Variants in PBRM1 observed in about 807,000 individuals in gnomAD.
The protein encoded by PBRM1 is protein polybromo-1.
In PBRM1, 27 loss-of-function variants were observed where a neutral mutation model predicts 194.5. That is an observed-to-expected ratio of 0.14 (90% CI 0.10 to 0.19). The LOEUF (loss-of-function observed/expected upper bound fraction) is 0.19. Among genes scored for constraint, PBRM1 ranks in the 10% least tolerant of loss-of-function variants. The pLI, the probability that PBRM1 is intolerant of heterozygous loss-of-function variation, is 1.00. For synonymous variants in PBRM1, 655 were observed against 693.2 expected (o/e 0.94, Z 0.87); for missense variants, 1,466 against 2,077.2 (o/e 0.71, Z 5.72).
intron 17 of PBRM1, among the ~76,000 whole-genome samples, chr3:52,601,579 G>A (rs1468381961): frequency 1.3e-5 from 2 of 151,724 alleles, no homozygotes; most frequent in East Asian, 3.9e-4. Context: ...CAGTTCCTAA[G>A]TAATGTGGGG....
chr3:52,670,955 G>A (rs1198923738), intron 2 of PBRM1, among the ~76,000 whole-genome samples: 3 of 152,222 alleles, frequency 2.0e-5, no homozygotes, highest in Non-Finnish European at 4.4e-5. Flanking sequence ...GAGAGCTGAA[G>A]TGTGTCATAT....
intron 10 of PBRM1, among the ~76,000 whole-genome samples, chr3:52,637,829 C>T (rs2095883190): frequency 6.9e-6 from 1 of 145,006 alleles, no homozygotes; most frequent in African/African-American, 2.5e-5. Context: ...CTCCTATAAT[C>T]CTAGCTACCC....
intron 2 of PBRM1, among the ~76,000 whole-genome samples, chr3:52,674,376 G>A (rs1328514917): frequency 6.7e-6 from 1 of 150,254 alleles, no homozygotes; most frequent in Non-Finnish European, 1.5e-5. Context: ...AGCTACTCGG[G>A]AAGCTGGGGC....
At chr3:52,586,683 G>A (rs746647651) in exon 20 of PBRM1, 121 of 1,487,484 alleles carry the variant, frequency 8.1e-5, no homozygotes, top group Non-Finnish European at 1.0e-4. Flanking sequence ...ATAACTTAAA[G>A]TATTCCTGGG....
chr3:52,561,790 G>A (rs1362364948), exon 25 of PBRM1: 2 of 1,614,082 alleles, frequency 1.2e-6, no homozygotes, highest in Admixed American at 1.7e-5. Flanking sequence ...TTTCTTGGCT[G>A]TCTCAAGATT....
exon 23 of PBRM1, chr3:52,564,230 T>C: frequency 1.2e-6 from 2 of 1,609,574 alleles, no homozygotes; most frequent in Non-Finnish European, 1.7e-6. Flanking sequence ...CACAGCACAC[T>C]TTCCTGAAAG....
At chr3:52,641,821 T>C in intron 10 of PBRM1, 133 bp downstream of exon 11, 1 of 743,024 alleles carries the variant, frequency 1.3e-6, no homozygotes, top group Admixed American at 2.0e-5. Flanking sequence ...ACTACCAGAG[T>C]ACAATCAAAT....
chr3:52,615,311 G>A (rs891976353), intron 15 of PBRM1, 40 bp downstream of exon 17: 11 of 1,074,260 alleles, frequency 1.0e-5, no homozygotes, highest in Non-Finnish European at 1.6e-5. Context: ...ATCTCTTCTT[G>A]ATAGACTAAA....
At chr3:52,679,861 T>A, upstream of PBRM1, 1 of 190,964 alleles carries the variant, frequency 5.2e-6, no homozygotes, top group Non-Finnish European at 1.0e-5. Flanking sequence ...TAGCTATAAG[T>A]TTTTTTTTTT....
rs2081855157 is a variant in PBRM1 at position 52,554,718 on chromosome 3, T to TC, written c.4609+5dup. 1 of 1,548,730 alleles carries TC rather than the reference T, an allele frequency of 6.5e-7. No homozygotes were observed. The highest frequency in any genetic ancestry group is 1.2e-5 in the South Asian group (1 of 80,974). ...ATTAATGAGTGAATGAGGATGAAGT[T>TC]CTTACCCGGTGGTGGGATGCCCGGG... is the stretch of plus-strand genomic sequence containing the variant. On this transcript the variant is annotated splice_donor_region_variant and intron_variant, in intron 27 of 29. Transcript: ENST00000296302.
At chr3:52,599,901 C>G (rs909375472) in intron 17 of PBRM1, among the ~76,000 whole-genome samples, 1 of 151,626 alleles carries the variant, frequency 6.6e-6, no homozygotes, top group African/African-American at 2.4e-5. Flanking sequence ...AAAACATTAA[C>G]ATTTCATGGA....
chr3:52,558,327 G>C, exon 26 of PBRM1: 1 of 1,549,882 alleles, frequency 6.5e-7, no homozygotes, highest in South Asian at 1.2e-5. Flanking sequence ...GCCCCCACAG[G>C]GGTGCCTGCT....
At chr3:52,614,200 C>T (rs573521079) in intron 15 of PBRM1, among the ~76,000 whole-genome samples, 19 of 151,748 alleles carry the variant, frequency 1.3e-4, no homozygotes, top group African/African-American at 4.6e-4. Context: ...ATGGTGAAAC[C>T]CCATCTCTAC....
chr3:52,620,319 T>C (rs1220714402), intron 13 of PBRM1, among the ~76,000 whole-genome samples: 2 of 152,186 alleles, frequency 1.3e-5, no homozygotes, highest in Non-Finnish European at 2.9e-5. Context: ...GGGTGGACTT[T>C]AAAAGGAAGA....
intron 11 of PBRM1, 150 bp downstream of exon 12, chr3:52,634,452 A>G (rs1427839348): frequency 2.9e-5 from 17 of 583,312 alleles, no homozygotes; most frequent in Non-Finnish European, 4.8e-5. Context: ...AAAAAAAAAA[A>G]AAAAGGTAAT....
chr3:52,545,403 G>A, downstream of PBRM1: 1 of 230,448 alleles, frequency 4.3e-6, no homozygotes, highest in East Asian at 6.2e-5. Flanking sequence ...GGATTAAAAA[G>A]CTTTAGATGA....
At chr3:52,650,852 T>G (rs2096471199) in intron 6 of PBRM1, among the ~76,000 whole-genome samples, 1 of 152,192 alleles carries the variant, frequency 6.6e-6, no homozygotes, top group Admixed American at 6.5e-5. Flanking sequence ...CAATTTCTGG[T>G]ACAATTTAGC....
intron 4 of PBRM1, among the ~76,000 whole-genome samples, chr3:52,661,223 C>T (rs1197621890): frequency 6.6e-6 from 1 of 152,130 alleles, no homozygotes; most frequent in Non-Finnish European, 1.5e-5. Context: ...CAGGGTTTTA[C>T]CATGTTGGTC....
intron 4 of PBRM1, among the ~76,000 whole-genome samples, chr3:52,660,533 G>A (rs1232574996): frequency 6.6e-6 from 1 of 150,382 alleles, no homozygotes. Context: ...ATTTTTTTTA[G>A]ACAGAGTCTC....
Sources: gnomAD v4.1 joint callset for allele counts (sites outside exome capture counted in the v4.1 genomes callset) on GRCh38, gnomAD v4.1.1 for gene constraint, MANE v1.5 for transcripts, NCBI Gene and HGNC (gene_info 2026-07-23, HGNC 2026-07-21) for gene names.